Variants in PAM observed in about 807,000 individuals in gnomAD.
PAM encodes peptidyl-glycine alpha-amidating monooxygenase.
A neutral mutation model predicts 122.1 loss-of-function variants in PAM; 72 were observed. The ratio of observed to expected loss-of-function variants is 0.59; its 90% CI spans 0.49 to 0.72. The LOEUF is 0.72. Among genes scored for constraint, PAM ranks in the 30% least tolerant of loss-of-function variants. The pLI is 0.00. For missense variants in PAM, 1,106 were observed against 1,183.7 expected (o/e 0.93, Z 0.96); for synonymous variants, 389 against 404.4 (o/e 0.96, Z 0.46).
chr5:102,795,861 A>C (rs376019800), intron 1 of PAM, among the ~76,000 whole-genome samples: 8 of 152,204 alleles, frequency 5.3e-5, no homozygotes, highest in African/African-American at 1.9e-4. Flanking sequence ...CCTCATTATC[A>C]GAGAGTTTAG....
At position 103,012,872 on chromosome 5, in the gene PAM, ATG is replaced by A. The variant is rs1781032957; in HGVS notation, c.2331+3007_2331+3008del. On this transcript the variant is annotated intron_variant, in intron 21 of 25. Transcript: ENST00000438793. ...CTCTGCCTCAAAAAAAAAAAAAAAAATGAGTTCACTGTAGGTGTGTGGATTTT... is the reference window on the plus strand; with the variant it reads ...CTCTGCCTCAAAAAAAAAAAAAAAAAAGTTCACTGTAGGTGTGTGGATTTT... Among the ~76,000 whole-genome samples the A allele has an allele frequency of 1.3e-5, 2 of 151,220 alleles. 1 individual carries two copies.
At chr5:102,922,178 C>G (rs1221502826) in intron 5 of PAM, among the ~76,000 whole-genome samples, 1 of 151,566 alleles carries the variant, frequency 6.6e-6, no homozygotes, top group Non-Finnish European at 1.5e-5. Flanking sequence ...GGGACTTCAG[C>G]ATGAAGATAT....
intron 4 of PAM, among the ~76,000 whole-genome samples, chr5:102,911,708 C>T (rs1008987915): frequency 1.3e-5 from 2 of 151,956 alleles, no homozygotes; most frequent in African/African-American, 4.8e-5. Context: ...AGCTGTCTTC[C>T]TTGCCCTTAC....
At chr5:102,801,772 A>ATTTTTTTT (rs36068804) in intron 1 of PAM, among the ~76,000 whole-genome samples, 15 of 98,976 alleles carry the variant, frequency 1.5e-4, no homozygotes, top group East Asian at 1.3e-3. Context: ...GGGAAAAGGT[A>ATTTTTTTT]TTTTTTTTTT....
At chr5:102,830,922 C>T (rs1018854533) in intron 1 of PAM, among the ~76,000 whole-genome samples, 1 of 151,758 alleles carries the variant, frequency 6.6e-6, no homozygotes, top group Non-Finnish European at 1.5e-5. Flanking sequence ...TTTTGGTTAT[C>T]TGAGAGTCTG....
chr5:102,779,082 A>G (rs1757914259), intron 1 of PAM, among the ~76,000 whole-genome samples: 1 of 152,110 alleles, frequency 6.6e-6, no homozygotes. Context: ...TTATAATACA[A>G]AGATTCTCAA....
At chr5:102,767,174 G>T (rs1157905) in intron 1 of PAM, among the ~76,000 whole-genome samples, 6 of 151,408 alleles carry the variant, frequency 4.0e-5, no homozygotes, top group East Asian at 1.9e-4. Context: ...TTTTCTCTTA[G>T]AATTAAAACT....
At chr5:102,886,628 C>T (rs1793195426) in intron 3 of PAM, among the ~76,000 whole-genome samples, 1 of 151,976 alleles carries the variant, frequency 6.6e-6, no homozygotes. Flanking sequence ...TGTTGTATCA[C>T]TCTTATAGAA....
At chr5:102,800,895 GA>G (rs2150085671) in intron 1 of PAM, among the ~76,000 whole-genome samples, 1 of 152,066 alleles carries the variant, frequency 6.6e-6, no homozygotes, top group Non-Finnish European at 1.5e-5. Context: ...TACTGCTTGG[GA>G]AAAAACAATG....
chr5:102,974,433 G>A lies in PAM; in HGVS notation c.1480G>A (p.Gly494Arg), dbSNP rs1414452954. Residue 494 changes from glycine (G) to arginine (R), a missense_variant, in exon 15 of 26, where the codon GGA becomes AGA. Around this residue, in one of 3 missense-constraint regions of PAM, gnomAD observed 670 missense variants for 690.3 expected, o/e 0.97. Transcript: ENST00000438793. ...AGGCACCTGGGAACCAGAACACACA[G>A]GAGGTGCGTGTAGGGTTTCTTTTAA... is the stretch of plus-strand genomic sequence containing the variant. ...GEGTWEPEHT[G>R]DFHMEEALDW... 5 of 1,607,156 alleles carry A rather than the reference G, an allele frequency of 3.1e-6. No individual in the cohort carries two copies. The highest frequency in any genetic ancestry group is 4.3e-6 in the Non-Finnish European group (5 of 1,175,238).
intron 1 of PAM, among the ~76,000 whole-genome samples, chr5:102,816,895 A>G (rs1561525583): frequency 6.6e-6 from 1 of 152,116 alleles, no homozygotes; most frequent in Non-Finnish European, 1.5e-5. Flanking sequence ...TCTAGACAAT[A>G]TATTTCTGCT....
intron 3 of PAM, among the ~76,000 whole-genome samples, chr5:102,875,925 A>G (rs1435733903): frequency 6.6e-6 from 1 of 152,230 alleles, no homozygotes; most frequent in Non-Finnish European, 1.5e-5. Flanking sequence ...CTCATGAACA[A>G]TGTCTTCTGA....
chr5:102,983,673 T>C (rs1770720593), intron 15 of PAM, among the ~76,000 whole-genome samples: 1 of 152,080 alleles, frequency 6.6e-6, no homozygotes, highest in African/African-American at 2.4e-5. Flanking sequence ...GATATCCAGA[T>C]AGAGGAATCC....
At chr5:102,766,925 G>GTTTTTTTTTTTTTTT (rs1561386850) in intron 1 of PAM, among the ~76,000 whole-genome samples, 1 of 36,574 alleles carries the variant, frequency 2.7e-5, no homozygotes, top group Non-Finnish European at 5.2e-5. Context: ...TTCAGTTGTG[G>GTTTTTTTTTTTTTTT]ATTTTTTTTT....
At chr5:102,772,494 A>C (rs1036290727) in intron 1 of PAM, among the ~76,000 whole-genome samples, 4 of 152,126 alleles carry the variant, frequency 2.6e-5, no homozygotes, top group African/African-American at 9.7e-5. Context: ...TGTTTTCTCA[A>C]ACTTATGTGC....
At chr5:102,996,203 T>G (rs556151385) in intron 16 of PAM, among the ~76,000 whole-genome samples, 1 of 152,300 alleles carries the variant, frequency 6.6e-6, no homozygotes, top group Admixed American at 6.5e-5. Flanking sequence ...AAAGAACTGA[T>G]GAATTCCAGC....
chr5:102,809,119 C>T (rs753354835), intron 1 of PAM, among the ~76,000 whole-genome samples: 1 of 152,134 alleles, frequency 6.6e-6, no homozygotes, highest in East Asian at 1.9e-4. Context: ...CTATCAGCCT[C>T]CTTCTGAATC....
intron 12 of PAM, among the ~76,000 whole-genome samples, chr5:102,957,580 G>A (rs913879379): frequency 1.3e-5 from 2 of 151,902 alleles, no homozygotes; most frequent in African/African-American, 4.8e-5. Flanking sequence ...CTAGGCTGGA[G>A]TGCAGTGGCG....
chr5:102,829,911 C>G (rs374109405), intron 1 of PAM, among the ~76,000 whole-genome samples: 3 of 152,098 alleles, frequency 2.0e-5, no homozygotes, highest in East Asian at 1.9e-4. Context: ...TACAAACTGT[C>G]TCTGTATATG....
Sources: gnomAD v4.1 joint callset for allele counts (sites outside exome capture counted in the v4.1 genomes callset) on GRCh38, gnomAD v4.1.1 for gene constraint, gnomAD v4.1.1 regional missense constraint, MANE v1.5 for transcripts, NCBI Gene and HGNC (gene_info 2026-07-23, HGNC 2026-07-21) for gene names.